The following AK3 variants were observed in gnomAD, a reference collection of about 807,000 sequenced individuals.
AK3 encodes the protein adenylate kinase 3.
AK3 carries 27 observed loss-of-function variants against 23.7 expected under a neutral mutation model. That is an observed-to-expected ratio of 1.14 (90% CI 0.84 to 1.57). The LOEUF (loss-of-function observed/expected upper bound fraction) is 1.57, where lower values mean the gene tolerates loss of function less well. Among genes scored for constraint, AK3 ranks in the 40% most tolerant of loss-of-function variants. AK3 has a pLI of 0.00. For missense variants in AK3, 406 were observed against 285.6 expected (o/e 1.42, Z -3.04); for synonymous variants, 159 against 116.0 (o/e 1.37, Z -2.38).
At chr9:4,715,114 G>A (rs1762876135) in intron 4 of AK3, among the ~76,000 whole-genome samples, 1 of 151,094 alleles carries the variant, frequency 6.6e-6, no homozygotes, top group Non-Finnish European at 1.5e-5. Flanking sequence ...AGCTACTGGG[G>A]AGGCTGAGGC....
upstream of AK3, chr9:4,741,304 C>T (rs1404037348): frequency 9.5e-6 from 4 of 422,702 alleles, no homozygotes; most frequent in Non-Finnish European, 1.2e-5. Context: ...CCCCGGCGCA[C>T]CCCCCGCCCC....
chr9:4,726,594 C>A (rs1842028756), intron 1 of AK3, among the ~76,000 whole-genome samples: 1 of 152,096 alleles, frequency 6.6e-6, no homozygotes, highest in Non-Finnish European at 1.5e-5. Context: ...AATTCTAGTT[C>A]TCTTGCTATT....
intron 1 of AK3, among the ~76,000 whole-genome samples, chr9:4,740,212 T>A (rs946644711): frequency 2.0e-4 from 30 of 152,178 alleles, no homozygotes; most frequent in African/African-American, 7.0e-4. Context: ...TGCGATTGGC[T>A]TTTCAAAAAC....
Position 4,729,278 on chromosome 9 carries a change from G to A in AK3, c.152-6653C>T, listed in dbSNP as rs369294352. Among the ~76,000 whole-genome samples the A allele has an allele frequency of 1.7e-4, 26 of 152,190 alleles. No individual in the cohort carries two copies. The East Asian group carries it at 5.0e-3, about 29-fold the overall frequency. The stretch of plus-strand genomic sequence containing the variant: ...ACCCACCTTTGCCTCCCAAAGTGCT[G>A]TGATTACAGGCATGAGCCACTGCAC... On this transcript the variant is annotated intron_variant, in intron 1 of 4. Transcript: ENST00000381809.
At chr9:4,718,623 A>T in intron 3 of AK3, 86 bp from the exon 4 acceptor site, 1 of 1,066,446 alleles carries the variant, frequency 9.4e-7, no homozygotes. Context: ...TTAAACAGAC[A>T]TCTCTGTGCA....
intron 1 of AK3, among the ~76,000 whole-genome samples, chr9:4,729,574 C>T (rs887482473): frequency 6.6e-6 from 1 of 152,080 alleles, no homozygotes; most frequent in Admixed American, 6.5e-5. Flanking sequence ...GTGGCTCATG[C>T]CTGTAATCCC....
chr9:4,730,996 T>A (rs909697524), intron 1 of AK3, among the ~76,000 whole-genome samples: 2 of 152,228 alleles, frequency 1.3e-5, no homozygotes, highest in African/African-American at 4.8e-5. Flanking sequence ...GATCTACACC[T>A]CTTTTGACTG....
intron 1 of AK3, among the ~76,000 whole-genome samples, chr9:4,739,801 T>G (rs531064727): frequency 4.3e-4 from 66 of 151,938 alleles, no homozygotes; most frequent in African/African-American, 1.4e-3. Context: ...CGTGGTGGCA[T>G]GCGCCTGTAG....
chr9:4,739,300 C>G (rs919952728), intron 1 of AK3, among the ~76,000 whole-genome samples: 3 of 151,740 alleles, frequency 2.0e-5, no homozygotes, highest in Admixed American at 1.3e-4. Context: ...AAGCGATTCT[C>G]TCTCCTCAGC....
intron 1 of AK3, among the ~76,000 whole-genome samples, chr9:4,738,189 G>A (rs1842341001): frequency 6.6e-6 from 1 of 151,932 alleles, no homozygotes; most frequent in South Asian, 2.1e-4. Flanking sequence ...TTTTGAGACA[G>A]AGTTCCGCTC....
intron 1 of AK3, among the ~76,000 whole-genome samples, chr9:4,729,603 A>T (rs1438821874): frequency 2.0e-5 from 3 of 152,098 alleles, no homozygotes; most frequent in African/African-American, 7.2e-5. Context: ...GGGAGCCAAC[A>T]CAGGAAGACT....
chr9:4,739,914 G>GA (rs1842385600), intron 1 of AK3, among the ~76,000 whole-genome samples: 1 of 151,894 alleles, frequency 6.6e-6, no homozygotes. Context: ...AAGAAAAAAA[G>GA]AAAAAAGGTA....
intron 1 of AK3, among the ~76,000 whole-genome samples, chr9:4,727,338 T>C (rs966512984): frequency 6.6e-6 from 1 of 152,262 alleles, no homozygotes. Flanking sequence ...TTCGTTTACA[T>C]TGAAAATCTG....
intron 1 of AK3, among the ~76,000 whole-genome samples, chr9:4,736,302 A>G (rs1842292087): frequency 6.6e-6 from 1 of 152,100 alleles, no homozygotes; most frequent in Admixed American, 6.6e-5. Context: ...AAAGGTATAA[A>G]ACAGTATATA....
intron 1 of AK3, among the ~76,000 whole-genome samples, chr9:4,740,362 C>T (rs1219721847): frequency 6.6e-6 from 1 of 152,086 alleles, no homozygotes; most frequent in Non-Finnish European, 1.5e-5. Context: ...ACAAGAATAG[C>T]CTTCGTGTCT....
intron 4 of AK3, among the ~76,000 whole-genome samples, chr9:4,716,593 A>G (rs1841730885): frequency 6.6e-6 from 1 of 152,202 alleles, no homozygotes; most frequent in Non-Finnish European, 1.5e-5. Context: ...TACTACAAAA[A>G]ATGGTTTGCC....
intron 2 of AK3, among the ~76,000 whole-genome samples, chr9:4,722,105 A>T (rs1326778754): frequency 1.3e-5 from 2 of 152,314 alleles, no homozygotes; most frequent in East Asian, 3.9e-4. Flanking sequence ...ACTGAAACAA[A>T]TCTCTTTTGT....
At chr9:4,715,105 G>C (rs1841686911) in intron 4 of AK3, among the ~76,000 whole-genome samples, 1 of 151,132 alleles carries the variant, frequency 6.6e-6, no homozygotes, top group Non-Finnish European at 1.5e-5. Flanking sequence ...TGTAGTCCTA[G>C]CTACTGGGGA....
At chr9:4,724,905 C>G (rs780595106) in intron 1 of AK3, among the ~76,000 whole-genome samples, 5 of 152,024 alleles carry the variant, frequency 3.3e-5, no homozygotes, top group Admixed American at 6.6e-5. Context: ...TTAACAAATG[C>G]TCCTGGGACA....
Sources: allele counts gnomAD v4.1 joint callset (sites outside exome capture counted in the v4.1 genomes callset), GRCh38; gene constraint gnomAD v4.1.1; transcripts MANE v1.5; gene names NCBI Gene and HGNC (gene_info 2026-07-23, HGNC 2026-07-21).